Variants in MYO3B observed in about 807,000 individuals in gnomAD.
MYO3B encodes myosin-IIIb.
MYO3B carries 156 observed loss-of-function variants against 174.6 expected under a neutral mutation model. The observed-to-expected ratio is 0.89, with a 90% CI of 0.78 to 1.02. The LOEUF is 1.02. Among genes scored for constraint, MYO3B ranks in the 50% least tolerant of loss-of-function variants. The probability of loss-of-function intolerance (pLI) is 0.00; values close to 1 mark genes in which losing one functional copy is unlikely to be tolerated. For missense variants in MYO3B, 1,632 were observed against 1,639.4 expected, an observed-to-expected ratio of 1.00 and a Z score of 0.08; for synonymous variants, 563 against 569.1, an observed-to-expected ratio of 0.99 and a Z score of 0.15.
At chr2:170,316,762 A>C (rs2093778650) in intron 7 of MYO3B, among the ~76,000 whole-genome samples, 1 of 152,208 alleles carries the variant, frequency 6.6e-6, no homozygotes. Context: ...CTAATTCCTT[A>C]AGTGCCTCCA....
intron 7 of MYO3B, among the ~76,000 whole-genome samples, chr2:170,256,161 T>C (rs575906893): frequency 1.3e-5 from 2 of 152,302 alleles, no homozygotes; most frequent in African/African-American, 2.4e-5. Flanking sequence ...CTATGACTCA[T>C]TGGCATTCCT....
chr2:170,211,053 G>A (rs2092764662), intron 3 of MYO3B, among the ~76,000 whole-genome samples: 2 of 152,148 alleles, frequency 1.3e-5, no homozygotes, highest in South Asian at 2.1e-4. Context: ...GCATGACTGG[G>A]AGGCAAAATC....
At chr2:170,594,080 C>T (rs1693989535) in intron 32 of MYO3B, among the ~76,000 whole-genome samples, 1 of 152,144 alleles carries the variant, frequency 6.6e-6, no homozygotes, top group Non-Finnish European at 1.5e-5. Context: ...AGGCATATTA[C>T]ACTAAACCCT....
intron 30 of MYO3B, among the ~76,000 whole-genome samples, chr2:170,531,507 A>T (rs1431710198): frequency 2.6e-5 from 4 of 152,220 alleles, no homozygotes; most frequent in Admixed American, 2.0e-4. Context: ...CCTCACCAAG[A>T]CATGAAAGTT....
At chr2:170,539,623 A>AT (rs60303631) in intron 30 of MYO3B, among the ~76,000 whole-genome samples, 20 of 148,798 alleles carry the variant, frequency 1.3e-4, no homozygotes, top group South Asian at 2.1e-4. Flanking sequence ...TTATTTATTT[A>AT]TTTTTTTTTT....
chr2:170,364,402 A>T (rs2094183523), intron 8 of MYO3B, among the ~76,000 whole-genome samples: 1 of 152,156 alleles, frequency 6.6e-6, no homozygotes, highest in Non-Finnish European at 1.5e-5. Flanking sequence ...TTGACTAGGA[A>T]ACTAGCTTCT....
At chr2:170,202,543 T>C (rs1281954198) in intron 3 of MYO3B, among the ~76,000 whole-genome samples, 1 of 152,166 alleles carries the variant, frequency 6.6e-6, no homozygotes, top group Admixed American at 6.5e-5. Context: ...TATGGTCACA[T>C]AATTGGTTGT....
At chr2:170,485,806 A>T (rs1241164268) in intron 25 of MYO3B, among the ~76,000 whole-genome samples, 1 of 152,200 alleles carries the variant, frequency 6.6e-6, no homozygotes, top group East Asian at 1.9e-4. Flanking sequence ...AGAAAAGATG[A>T]TGGAGATACT....
chr2:170,229,840 C>G (rs1048169908), intron 6 of MYO3B, among the ~76,000 whole-genome samples: 4 of 152,094 alleles, frequency 2.6e-5, no homozygotes, highest in Admixed American at 2.6e-4. Flanking sequence ...TACACCAAGT[C>G]TTTGTGCAAG....
chr2:170,423,003 CAG>C (rs2094629782), intron 22 of MYO3B, among the ~76,000 whole-genome samples: 1 of 37,162 alleles, frequency 2.7e-5, no homozygotes. Context: ...TTTTTTGAGA[CAG>C]AGTTTCACTC....
intron 32 of MYO3B, among the ~76,000 whole-genome samples, chr2:170,549,340 G>A (rs1690735051): frequency 6.6e-6 from 1 of 152,136 alleles, no homozygotes; most frequent in African/African-American, 2.4e-5. Flanking sequence ...TCCTGAGGGG[G>A]TCACAGTTGG....
chr2:170,463,205 G>A (rs1446493841), intron 23 of MYO3B, among the ~76,000 whole-genome samples, 163 bp from the exon 24 acceptor site: 5 of 152,130 alleles, frequency 3.3e-5, no homozygotes, highest in Admixed American at 6.5e-5. Flanking sequence ...ATATTCTTTC[G>A]TTTCTATGTT....
chr2:170,407,489 A>G (rs2094517444), intron 21 of MYO3B, among the ~76,000 whole-genome samples: 1 of 149,770 alleles, frequency 6.7e-6, no homozygotes, highest in Admixed American at 6.7e-5. Context: ...ACAACAACAA[A>G]AGAAAACCCA....
intron 32 of MYO3B, among the ~76,000 whole-genome samples, chr2:170,559,751 C>T (rs1272743346): frequency 1.3e-5 from 2 of 152,158 alleles, no homozygotes; most frequent in Admixed American, 1.3e-4. Flanking sequence ...TGCACTCTAT[C>T]CTAGACTAGA....
chr2:170,566,317 G>GT (rs1392107480), intron 32 of MYO3B, among the ~76,000 whole-genome samples: 1 of 152,200 alleles, frequency 6.6e-6, no homozygotes, highest in African/African-American at 2.4e-5. Context: ...AAAGTGCAGT[G>GT]TAAGTACATG....
chr2:170,476,163 A>T (rs936352342), intron 25 of MYO3B, among the ~76,000 whole-genome samples: 2 of 152,170 alleles, frequency 1.3e-5, no homozygotes, highest in African/African-American at 4.8e-5. Context: ...GAGCACGTGG[A>T]TGGACACGTG....
chr2:170,240,577 C>T (rs1431734973), intron 7 of MYO3B, among the ~76,000 whole-genome samples: 3 of 152,134 alleles, frequency 2.0e-5, no homozygotes, highest in African/African-American at 7.2e-5. Context: ...TAAAGCCCTT[C>T]CTTAAATTAT....
At position 170,319,133 on chromosome 2, in the gene MYO3B, C is replaced by T. The variant is rs75822285; in HGVS notation, c.750-16252C>T. 4.6e-3 allele frequency among the ~76,000 whole-genome samples: 704 copies of T among 152,284 alleles called. 7 individuals carry two copies. Among genetic ancestry groups the T allele is most frequent in the East Asian group, 0.036 (185 of 5,190 alleles). On this transcript the variant is annotated intron_variant, in intron 7 of 34. Transcript: ENST00000408978. ...GATGCTTATTTTATGACAGGCTTTACTCTAAACACTTTATGTAGTAGCTCA... is the reference window on the plus strand; with the variant it reads ...GATGCTTATTTTATGACAGGCTTTATTCTAAACACTTTATGTAGTAGCTCA...
intron 28 of MYO3B, among the ~76,000 whole-genome samples, chr2:170,510,216 CTT>C (rs796179583): frequency 5.2e-4 from 79 of 152,306 alleles, no homozygotes; most frequent in African/African-American, 1.8e-3. Context: ...CCATCAGACT[CTT>C]TCCTCTGATG....
Sources: gnomAD v4.1 joint callset for allele counts (sites outside exome capture counted in the v4.1 genomes callset) on GRCh38, gnomAD v4.1.1 for gene constraint, MANE v1.5 for transcripts, NCBI Gene and HGNC (gene_info 2026-07-23, HGNC 2026-07-21) for gene names.